F10: variants seen among roughly 807,000 people sequenced by gnomAD.
The protein encoded by F10 is coagulation factor X, also known as Stuart-Prower factor.
F10 carries 29 observed loss-of-function variants against 37.1 expected under a neutral mutation model. The ratio of observed to expected loss-of-function variants is 0.78; its 90% CI spans 0.58 to 1.07. The LOEUF is 1.07. F10 is among the 50% of genes least tolerant of loss of function. The probability of loss-of-function intolerance (pLI) is 0.00; values close to 1 mark genes in which losing one functional copy is unlikely to be tolerated. For missense variants in F10, 539 were observed against 667.9 expected (o/e 0.81, Z 2.13); for synonymous variants, 262 against 268.6 (o/e 0.98, Z 0.24).
chr13:113,124,263 G>C (rs2036349385), intron 1 of F10, among the ~76,000 whole-genome samples: 1 of 152,200 alleles, frequency 6.6e-6, no homozygotes, highest in Admixed American at 6.5e-5. Context: ...TGAGAAGACA[G>C]GCCAGGAGCC....
Position 113,137,838 on chromosome 13 carries a change from C to T in F10, c.232-619C>T, listed in dbSNP as rs185440103. Reference sequence around the variant, plus strand: ...CTTTCTCCTTTATTTAGGGCCCACACTGACCCAGCATGATCTCTTCTACAG... The same window carrying T: ...CTTTCTCCTTTATTTAGGGCCCACATTGACCCAGCATGATCTCTTCTACAG... On this transcript the variant is annotated intron_variant, in intron 2 of 7. Coordinates refer to ENST00000375559, the MANE Select transcript of F10 (RefSeq NM_000504.4). 5.6e-4 allele frequency among the ~76,000 whole-genome samples: 85 copies of T among 152,306 alleles called. No homozygotes were observed. In the East Asian group the frequency reaches 0.015, roughly 27 times the overall value.
chr13:113,132,417 A>T (rs1044905199), intron 2 of F10, among the ~76,000 whole-genome samples: 1 of 152,246 alleles, frequency 6.6e-6, no homozygotes. Flanking sequence ...GTTTGGCCAT[A>T]TAAGTTATTT....
In F10 at chr13:113,139,663, G is replaced by T. The variant is rs1426482125; in HGVS notation, c.370+193G>T. On this transcript the variant is annotated intron_variant, in intron 4 of 7. Coordinates refer to ENST00000375559, the MANE Select transcript of F10 (RefSeq NM_000504.4). The surrounding 1 kb of genome is among the most constrained non-coding windows in gnomAD (Gnocchi z 5.2). The stretch of plus-strand genomic sequence containing the variant: ...AAAAGCCCCAATATGTCCCCCAAAC[G>T]ATTCGGTTTGGGGGCATGATGAGAG... Among the ~76,000 whole-genome samples the T allele has an allele frequency of 6.6e-6, 1 of 151,840 alleles. No homozygotes were observed. The highest frequency in any genetic ancestry group is 1.9e-4 in the East Asian group (1 of 5,154).
chr13:113,130,015 C>T, intron 2 of F10: 1 of 330,540 alleles, frequency 3.0e-6, no homozygotes, highest in Non-Finnish European at 5.9e-6. Context: ...CCTTGGCCTC[C>T]GTAGTCGCTG....
In F10 at chr13:113,148,868, G is replaced by C. The variant is rs779087098; in HGVS notation, c.866-48G>C. ...TCCTTAAAAAGCAACGGATGTGCGA[G>C]AGCATGTCCCTGGCTGAGCTGAGCA... On this transcript the variant is annotated intron_variant, in intron 7 of 7. Coordinates refer to ENST00000375559, the MANE Select transcript of F10 (RefSeq NM_000504.4). The C allele has an allele frequency of 1.9e-6, 3 of 1,591,468 alleles. No homozygotes were observed. The South Asian group carries it at 3.3e-5, about 18-fold the overall frequency.
In F10 at chr13:113,149,498, C is replaced by T. The variant is rs1448368580; in HGVS notation, c.1448C>T (p.Thr483Met). The change falls in exon 8 of 8, where the codon ACG (threonine) becomes ATG (methionine). Residue 483 changes from threonine (T) to methionine (M), a missense_variant. Around this residue, in one of 2 missense-constraint regions of F10, gnomAD observed 409 missense variants for 547.9 expected, o/e 0.75. Coordinates refer to ENST00000375559, the MANE Select transcript of F10 (RefSeq NM_000504.4). The surrounding 1 kb of genome is among the most constrained non-coding windows in gnomAD (Gnocchi z 7.5). ...AAGAGCCATGCCCCGGAGGTCATAACGTCCTCTCCATTAAAGTGAGATCCC... is the reference window on the plus strand; with the variant it reads ...AAGAGCCATGCCCCGGAGGTCATAATGTCCTCTCCATTAAAGTGAGATCCC... ...KAKSHAPEVI[T>M]SSPLK The T allele has an allele frequency of 8.7e-6, 14 of 1,613,038 alleles. No individual in the cohort carries two copies. Among genetic ancestry groups the T allele is most frequent in the African/African-American group, 4.0e-5 (3 of 74,944 alleles).
chr13:113,143,692 GC>G lies in F10; in HGVS notation c.503-157del, dbSNP rs2138548355. On this transcript the variant is annotated intron_variant, in intron 5 of 7. Coordinates refer to ENST00000375559, the MANE Select transcript of F10 (RefSeq NM_000504.4). The surrounding 1 kb of genome is among the most constrained non-coding windows in gnomAD (Gnocchi z 6.8). ...GCGCTCACCTGCAGATCCGACCCCT[GC>G]CGACGACGTGGGGCCTCGCCCTGCA... Among the ~76,000 whole-genome samples, 1 of 152,274 alleles carries G rather than the reference GC, an allele frequency of 6.6e-6. No individual in the cohort carries two copies. Among genetic ancestry groups the G allele is most frequent in the African/African-American group, 2.4e-5 (1 of 41,562 alleles).
chr13:113,140,159 C>T (rs946550950), intron 4 of F10, among the ~76,000 whole-genome samples: 26 of 150,186 alleles, frequency 1.7e-4, no homozygotes, highest in Non-Finnish European at 3.1e-4. Flanking sequence ...CCGCAAGCTC[C>T]GCCTGCCAGG....
In F10 at chr13:113,143,369, T is replaced by C. The variant is rs186486718; in HGVS notation, c.503-482T>C. On this transcript the variant is annotated intron_variant, in intron 5 of 7. Transcript: ENST00000375559. This position sits in a 1 kb window ranked among gnomAD's most constrained non-coding sequence, Gnocchi z 6.8. ...CGCCATTCCTTCTGCCTGAAAACTT[T>C]TTTTTCTTCAATGTTTCATTAGGAA... Among the ~76,000 whole-genome samples, 1 of 152,270 alleles carries C rather than the reference T, an allele frequency of 6.6e-6. No individual in the cohort carries two copies. Among genetic ancestry groups the C allele is most frequent in the East Asian group, 1.9e-4 (1 of 5,178 alleles).
chr13:113,143,803 G>C lies in F10; in HGVS notation c.503-48G>C. The C allele has an allele frequency of 6.2e-7, 1 of 1,605,578 alleles. No individual in the cohort carries two copies. Among genetic ancestry groups the C allele is most frequent in the Non-Finnish European group, 8.5e-7 (1 of 1,179,880 alleles). On this transcript the variant is annotated intron_variant, in intron 5 of 7. Coordinates refer to ENST00000375559, the MANE Select transcript of F10 (RefSeq NM_000504.4). The surrounding 1 kb of genome is among the most constrained non-coding windows in gnomAD (Gnocchi z 6.8). ...CTCAGGGTGAGCTGTGCAGGCTATG[G>C]GGAGCCTCTCTCTGTGCTGAAGGCC...
At chr13:113,123,414 G>A (rs922658537) in intron 1 of F10, among the ~76,000 whole-genome samples, 4 of 152,214 alleles carry the variant, frequency 2.6e-5, no homozygotes, top group African/African-American at 9.6e-5. Context: ...GGCTCCGTCG[G>A]GGAAGGAGCT....
At chr13:113,123,035 G>C in intron 1 of F10, 110 bp downstream of exon 1, 1 of 1,267,860 alleles carries the variant, frequency 7.9e-7, no homozygotes, top group Non-Finnish European at 1.1e-6. Context: ...TGCCTTGAGT[G>C]CTGCCAGAGG....
At chr13:113,148,342 A>AT (rs1312330061) in intron 7 of F10, among the ~76,000 whole-genome samples, 38 of 106,148 alleles carry the variant, frequency 3.6e-4, no homozygotes, top group East Asian at 2.6e-3. Flanking sequence ...AAAAAAAAAA[A>AT]AAAATATATA....
In F10 at chr13:113,149,068, C is replaced by T. The variant is rs201421020; in HGVS notation, c.1018C>T (p.Pro340Ser). 4 of 1,613,306 alleles carry T rather than the reference C, an allele frequency of 2.5e-6. No individual in the cohort carries two copies. Among genetic ancestry groups the T allele is most frequent in the Non-Finnish European group, 1.7e-6 (2 of 1,180,014 alleles). The change falls in exon 8 of 8, where the codon CCT becomes TCT. Residue 340 changes from proline to serine, a missense_variant. Around this residue, in one of 2 missense-constraint regions of F10, gnomAD observed 409 missense variants for 547.9 expected, o/e 0.75. Coordinates refer to ENST00000375559, the MANE Select transcript of F10 (RefSeq NM_000504.4). The surrounding 1 kb of genome is among the most constrained non-coding windows in gnomAD (Gnocchi z 7.5). ...CATCACCTTCCGCATGAACGTGGCG[C>T]CTGCCTGCCTCCCCGAGCGTGACTG... ...TPITFRMNVA[P>S]ACLPERDWAE...
intron 2 of F10, among the ~76,000 whole-genome samples, chr13:113,136,269 A>G (rs1012780604): frequency 6.6e-6 from 1 of 152,180 alleles, no homozygotes; most frequent in South Asian, 2.1e-4. Context: ...ACTTTGATAC[A>G]CTGCTCGTGG....
chr13:113,142,903 G>A (rs1266285875), intron 5 of F10, among the ~76,000 whole-genome samples: 2 of 151,978 alleles, frequency 1.3e-5, no homozygotes, highest in South Asian at 4.1e-4. Flanking sequence ...TTGCACTCCA[G>A]CCTGGGAGAC....
chr13:113,122,804 T>A lies in F10; in HGVS notation c.-52T>A. On this transcript the variant is annotated 5_prime_UTR_variant, in exon 1 of 8. Transcript: ENST00000375559. ...GCCATCCCAGCTGGGGCGTGGACTT[T>A]GCTCCAGCAGCCTGTCCCAGTGAGG... The A allele has an allele frequency of 6.3e-7, 1 of 1,595,036 alleles. No homozygotes were observed. Among genetic ancestry groups the A allele is most frequent in the Non-Finnish European group, 8.5e-7 (1 of 1,171,336 alleles).
intron 7 of F10, 149 bp from the exon 8 acceptor site, chr13:113,148,767 T>TCA (rs1437866379): frequency 7.3e-7 from 1 of 1,373,104 alleles, no homozygotes; most frequent in Admixed American, 2.4e-5. Flanking sequence ...TATTTGCTGC[T>TCA]TTGCACTTCC....
At chr13:113,132,498 C>CAG (rs1377649879) in intron 2 of F10, among the ~76,000 whole-genome samples, 1 of 152,172 alleles carries the variant, frequency 6.6e-6, no homozygotes, top group Non-Finnish European at 1.5e-5. Context: ...GTGGCTTCTC[C>CAG]AGAGAGAGAC....
Sources: allele counts gnomAD v4.1 joint callset (sites outside exome capture counted in the v4.1 genomes callset), GRCh38; gene constraint gnomAD v4.1.1; regional missense constraint gnomAD v4.1.1; non-coding constraint Gnocchi (gnomAD v3.1); transcripts MANE v1.5; gene names NCBI Gene and HGNC (gene_info 2026-07-23, HGNC 2026-07-21).